FSTL5: variants seen among roughly 807,000 people sequenced by gnomAD.
FSTL5 encodes follistatin like 5, also known as follistatin-related protein 5.
FSTL5 carries 62 observed loss-of-function variants against 89.1 expected under a neutral mutation model. That is an observed-to-expected ratio of 0.70 (90% confidence interval 0.57 to 0.86). FSTL5 has a LOEUF of 0.86. Ranked by LOEUF, FSTL5 falls within the 40% of genes least tolerant of loss-of-function variation. The probability of loss-of-function intolerance (pLI) is 0.00; values close to 1 mark genes in which losing one functional copy is unlikely to be tolerated. For missense variants in FSTL5, 1,057 were observed against 1,001.6 expected (o/e 1.06, Z -0.75); for synonymous variants, 383 against 346.2 (o/e 1.11, Z -1.18).
intron 15 of FSTL5, among the ~76,000 whole-genome samples, chr4:161,405,417 T>G (rs1314902267): frequency 6.6e-6 from 1 of 151,898 alleles, no homozygotes; most frequent in Non-Finnish European, 1.5e-5. Flanking sequence ...AAATTATAAT[T>G]GGAATGAAAT....
chr4:161,906,296 C>T (rs887953852), intron 4 of FSTL5, among the ~76,000 whole-genome samples: 1 of 152,012 alleles, frequency 6.6e-6, no homozygotes, highest in Admixed American at 6.6e-5. Flanking sequence ...GAGGGAGGAA[C>T]AACGGCACCA....
At chr4:162,060,604 C>T (rs1418474567) in intron 2 of FSTL5, among the ~76,000 whole-genome samples, 3 of 151,500 alleles carry the variant, frequency 2.0e-5, no homozygotes, top group Admixed American at 6.6e-5. Context: ...TTTGATCTAG[C>T]TTTCTTCTTA....
intron 3 of FSTL5, among the ~76,000 whole-genome samples, chr4:161,964,380 T>G (rs1735266297): frequency 6.6e-6 from 1 of 152,178 alleles, no homozygotes. Flanking sequence ...CAGCAGCTCC[T>G]TAAACATGGT....
chr4:161,622,795 C>T (rs919482223), intron 7 of FSTL5, among the ~76,000 whole-genome samples: 2 of 151,928 alleles, frequency 1.3e-5, no homozygotes, highest in African/African-American at 2.4e-5. Flanking sequence ...GAATCAATTC[C>T]AGGTATACTC....
At chr4:161,413,671 C>G (rs1456316375) in intron 15 of FSTL5, among the ~76,000 whole-genome samples, 1 of 151,988 alleles carries the variant, frequency 6.6e-6, no homozygotes, top group Admixed American at 6.6e-5. Context: ...TGAAAGCTAC[C>G]CAGGTGTTCA....
chr4:161,409,621 C>T (rs912411845), intron 15 of FSTL5, among the ~76,000 whole-genome samples: 7 of 152,138 alleles, frequency 4.6e-5, no homozygotes, highest in African/African-American at 1.7e-4. Context: ...ACCTCGTGAT[C>T]CACCTGCCTT....
intron 4 of FSTL5, among the ~76,000 whole-genome samples, chr4:161,892,084 T>A (rs966418576): frequency 6.6e-6 from 1 of 152,038 alleles, no homozygotes; most frequent in Non-Finnish European, 1.5e-5. Context: ...CATCTAGAAT[T>A]ATGTTTTCCT....
chr4:161,817,732 G>GCA (rs1434108642), intron 4 of FSTL5, among the ~76,000 whole-genome samples: 1 of 151,902 alleles, frequency 6.6e-6, no homozygotes, highest in Admixed American at 6.5e-5. Context: ...GTGCCTGTGT[G>GCA]CACACATGTG....
At chr4:161,928,943 T>C (rs1001878814) in intron 3 of FSTL5, among the ~76,000 whole-genome samples, 5 of 151,808 alleles carry the variant, frequency 3.3e-5, no homozygotes, top group African/African-American at 9.7e-5. Context: ...TCCTTTGTTA[T>C]TGTAACTAAA....
chr4:161,653,553 A>C (rs1736411248), intron 7 of FSTL5, among the ~76,000 whole-genome samples: 1 of 152,154 alleles, frequency 6.6e-6, no homozygotes, highest in Non-Finnish European at 1.5e-5. Flanking sequence ...AGGCTGTTCA[A>C]AAGGTGTTGG....
intron 4 of FSTL5, among the ~76,000 whole-genome samples, chr4:161,860,259 G>A (rs1731867631): frequency 6.6e-6 from 1 of 151,654 alleles, no homozygotes; most frequent in Non-Finnish European, 1.5e-5. Flanking sequence ...CTGCACTCCA[G>A]CCTAGGCGAC....
In FSTL5 at chr4:161,386,272, A is replaced by C. The variant is rs1392061131; in HGVS notation, c.2019T>G (p.Val673=). ...IGCKPDSTGA[V]SPQVMVDGVT... is the part of the protein sequence containing the mutation. The stretch of plus-strand genomic sequence containing the variant: ...CACCGTCCACCATGACCTGTGGGGA[A>C]ACTGCTCCGGTGCTGTCAGGTTTGC... The change falls in exon 16 of 16, where the codon GTT becomes GTG. Residue 673 remains valine, a synonymous_variant. Transcript: ENST00000306100. The C allele has an allele frequency of 1.2e-6, 2 of 1,613,992 alleles. No homozygotes were observed. Among genetic ancestry groups the C allele is most frequent in the Non-Finnish European group, 8.5e-7 (1 of 1,179,956 alleles).
chr4:161,770,937 C>G (rs781245832), intron 5 of FSTL5, among the ~76,000 whole-genome samples: 1 of 151,732 alleles, frequency 6.6e-6, no homozygotes, highest in Admixed American at 6.6e-5. Context: ...AACACTCATG[C>G]GAGCTATATG....
chr4:161,756,862 C>T (rs936998627), intron 6 of FSTL5, among the ~76,000 whole-genome samples: 1 of 152,084 alleles, frequency 6.6e-6, no homozygotes, highest in Non-Finnish European at 1.5e-5. Flanking sequence ...ACAAACATAT[C>T]CATTTAATAC....
chr4:162,150,504 G>C (rs1482844313), intron 1 of FSTL5, among the ~76,000 whole-genome samples: 1 of 152,064 alleles, frequency 6.6e-6, no homozygotes, highest in Non-Finnish European at 1.5e-5. Context: ...CATTGATTCT[G>C]TACAATGAAG....
chr4:161,652,326 T>C (rs1338545053), intron 7 of FSTL5, among the ~76,000 whole-genome samples: 2 of 152,110 alleles, frequency 1.3e-5, no homozygotes, highest in African/African-American at 2.4e-5. Flanking sequence ...TCCTAGCTAC[T>C]TGGGAGGTTG....
At chr4:161,946,328 A>C (rs923352167) in intron 3 of FSTL5, among the ~76,000 whole-genome samples, 1 of 152,208 alleles carries the variant, frequency 6.6e-6, no homozygotes, top group African/African-American at 2.4e-5. Context: ...GCTTCAGAAG[A>C]CATGAAACTT....
At chr4:161,887,018 ATTGCT>A (rs1379973367) in intron 4 of FSTL5, among the ~76,000 whole-genome samples, 4 of 152,156 alleles carry the variant, frequency 2.6e-5, no homozygotes, top group Non-Finnish European at 5.9e-5. Context: ...TTAACATTTT[ATTGCT>A]TTGGTAGTTC....
At chr4:162,135,586 A>G (rs1296438245) in intron 1 of FSTL5, among the ~76,000 whole-genome samples, 1 of 152,108 alleles carries the variant, frequency 6.6e-6, no homozygotes, top group Non-Finnish European at 1.5e-5. Flanking sequence ...GGTCCTTTTT[A>G]GCCTCATTGC....
Sources: gnomAD v4.1 joint callset for allele counts (sites outside exome capture counted in the v4.1 genomes callset) on GRCh38, gnomAD v4.1.1 for gene constraint, MANE v1.5 for transcripts, NCBI Gene and HGNC (gene_info 2026-07-23, HGNC 2026-07-21) for gene names.